The following AOPEP variants were observed in gnomAD, a reference collection of about 807,000 sequenced individuals.
AOPEP encodes the protein aminopeptidase O (putative).
In AOPEP, 77 loss-of-function variants were observed where a neutral mutation model predicts 98.1. That is an observed-to-expected ratio of 0.78 (90% CI 0.65 to 0.95). The LOEUF (loss-of-function observed/expected upper bound fraction) is 0.95, where lower values mean the gene tolerates loss of function less well. Among genes scored for constraint, AOPEP ranks in the 40% least tolerant of loss-of-function variants. The pLI is 0.00. For synonymous variants in AOPEP, 346 were observed against 365.3 expected (o/e 0.95, Z 0.60); for missense variants, 1,024 against 1,024.7 (o/e 1.00, Z 0.01).
chr9:94,862,027 A>G (rs771207289), intron 5 of AOPEP, among the ~76,000 whole-genome samples: 2 of 152,200 alleles, frequency 1.3e-5, no homozygotes, highest in Non-Finnish European at 2.9e-5. Flanking sequence ...GATCGTGGCT[A>G]GTTTGTGAGT....
At chr9:95,097,994 G>T in the AOPEP span, among the ~76,000 whole-genome samples, 26 of 152,154 alleles carry the variant, frequency 1.7e-4, no homozygotes, top group Non-Finnish European at 3.2e-4. Flanking sequence ...CCGGGCTGGG[G>T]GAGGTGGTCC....
chr9:94,773,456 G>A (rs1841339428), intron 3 of AOPEP, among the ~76,000 whole-genome samples: 1 of 152,092 alleles, frequency 6.6e-6, no homozygotes, highest in Non-Finnish European at 1.5e-5. Flanking sequence ...GGTCTTGACT[G>A]AAGACGTTCT....
At chr9:95,041,664 G>A (rs1300168162) in intron 13 of AOPEP, among the ~76,000 whole-genome samples, 2 of 152,146 alleles carry the variant, frequency 1.3e-5, no homozygotes, top group Non-Finnish European at 2.9e-5. Context: ...CATGAAAAAG[G>A]TGGTGGGGTT....
chr9:95,035,507 ATTTTTTTTTTTT>A (rs542840000), intron 13 of AOPEP, among the ~76,000 whole-genome samples: 1 of 67,950 alleles, frequency 1.5e-5, no homozygotes, highest in East Asian at 4.4e-4. Context: ...GCTTCAGATA[ATTTTTTTTTTTT>A]TTTTTTTTTT....
chr9:94,991,416 G>A (rs1462424180), intron 11 of AOPEP, among the ~76,000 whole-genome samples: 1 of 152,232 alleles, frequency 6.6e-6, no homozygotes, highest in Non-Finnish European at 1.5e-5. Flanking sequence ...AGAGTGCAGT[G>A]CGTCTTCTTC....
Position 94,897,000 on chromosome 9 carries a change from T to A in AOPEP, c.1365-26986T>A, listed in dbSNP as rs373132725. Among the ~76,000 whole-genome samples the A allele has an allele frequency of 3.3e-5, 5 of 151,994 alleles. No homozygotes were observed. In the East Asian group the frequency reaches 7.7e-4, roughly 23 times the overall value. On this transcript the variant is annotated intron_variant, in intron 5 of 16. Coordinates refer to ENST00000375315, the MANE Select transcript of AOPEP (RefSeq NM_001193329.3). ...TATTTAAATTAAAAAGCACCAAAATTTGAATGTGAAACATAAGGTGTATAG... is the reference window on the plus strand; with the variant it reads ...TATTTAAATTAAAAAGCACCAAAATATGAATGTGAAACATAAGGTGTATAG...
chr9:94,735,760 C>T (rs1831612227), intron 1 of AOPEP, among the ~76,000 whole-genome samples: 1 of 152,138 alleles, frequency 6.6e-6, no homozygotes, highest in Admixed American at 6.5e-5. Flanking sequence ...ACCATCACCA[C>T]TGTATAATTT....
chr9:95,098,204 G>A, the AOPEP span, among the ~76,000 whole-genome samples: 5 of 152,178 alleles, frequency 3.3e-5, no homozygotes, highest in Non-Finnish European at 7.3e-5. Flanking sequence ...TGACTTCCCA[G>A]CATTTTGGGT....
intron 1 of AOPEP, among the ~76,000 whole-genome samples, chr9:94,733,359 T>C (rs1831016530): frequency 6.6e-6 from 1 of 152,162 alleles, no homozygotes; most frequent in Non-Finnish European, 1.5e-5. Flanking sequence ...CCACCTGCCT[T>C]GACCTTCAAA....
chr9:94,836,583 A>T (rs2041629208), intron 5 of AOPEP, among the ~76,000 whole-genome samples: 1 of 152,160 alleles, frequency 6.6e-6, no homozygotes, highest in African/African-American at 2.4e-5. Context: ...GAGTTCCATT[A>T]TGTATTTTAG....
intron 5 of AOPEP, among the ~76,000 whole-genome samples, chr9:94,810,464 G>A (rs556975357): frequency 8.6e-5 from 13 of 151,868 alleles, no homozygotes; most frequent in East Asian, 3.9e-4. Context: ...ACAGGTGCGC[G>A]CCACCACACC....
the AOPEP span, chr9:95,111,725 T>C: frequency 5.3e-6 from 8 of 1,499,930 alleles, no homozygotes; most frequent in Non-Finnish European, 7.4e-6. Flanking sequence ...TTGCCAACGG[T>C]TGGCTTAAAT....
chr9:95,109,338 A>G, the AOPEP span, among the ~76,000 whole-genome samples: 4 of 152,204 alleles, frequency 2.6e-5, no homozygotes, highest in African/African-American at 9.6e-5. Context: ...TTTATGAACA[A>G]TGCTGTGCTG....
intron 9 of AOPEP, among the ~76,000 whole-genome samples, chr9:94,960,036 A>G (rs1163533756): frequency 6.6e-6 from 1 of 152,238 alleles, no homozygotes; most frequent in Non-Finnish European, 1.5e-5. Flanking sequence ...TTATTATAAA[A>G]GAATTAAGAG....
chr9:94,928,600 A>G, intron 7 of AOPEP, 69 bp downstream of exon 7: 1 of 1,062,194 alleles, frequency 9.4e-7, no homozygotes, highest in Non-Finnish European at 1.4e-6. Flanking sequence ...CCTCCCTGCC[A>G]ACTGATGACA....
intron 3 of AOPEP, among the ~76,000 whole-genome samples, chr9:94,786,774 G>A (rs912368488): frequency 6.6e-6 from 1 of 152,218 alleles, no homozygotes; most frequent in Non-Finnish European, 1.5e-5. Flanking sequence ...CCAGGATCCA[G>A]GCAAGAAGCC....
chr9:94,847,152 A>ACACACACACACACTCACACT (rs1448564968), intron 5 of AOPEP, among the ~76,000 whole-genome samples: 1 of 140,476 alleles, frequency 7.1e-6, no homozygotes, highest in Non-Finnish European at 1.6e-5. Flanking sequence ...ACACACACAC[A>ACACACACACACACTCACACT]CTCTCTCTGT....
At chr9:94,833,523 CACCGCGCCTG>C (rs1339820884) in intron 5 of AOPEP, among the ~76,000 whole-genome samples, 3 of 152,098 alleles carry the variant, frequency 2.0e-5, no homozygotes, top group Admixed American at 6.6e-5. Context: ...AGGTGTGAGC[CACCGCGCCTG>C]GCTGTGCCTG....
intron 5 of AOPEP, among the ~76,000 whole-genome samples, chr9:94,842,380 A>C (rs571191337): frequency 1.6e-4 from 24 of 152,256 alleles, no homozygotes; most frequent in African/African-American, 5.8e-4. Context: ...GAAAAACAAC[A>C]ACAAACAAAC....
Sources: allele counts gnomAD v4.1 joint callset (sites outside exome capture counted in the v4.1 genomes callset), GRCh38; gene constraint gnomAD v4.1.1; transcripts MANE v1.5; gene names NCBI Gene and HGNC (gene_info 2026-07-23, HGNC 2026-07-21).